The following ANGPT1 variants were observed in gnomAD, a reference collection of about 807,000 sequenced individuals.
The protein encoded by ANGPT1 is angiopoietin 1, also known as angiopoietin-1.
Under a neutral mutation model 62.2 loss-of-function variants are expected in ANGPT1, and 17 were observed. That is an observed-to-expected ratio of 0.27 (90% CI 0.19 to 0.41). ANGPT1 has a LOEUF of 0.41. Among genes scored for constraint, ANGPT1 ranks in the 10% least tolerant of loss-of-function variants. ANGPT1 has a pLI of 1.00. For missense variants in ANGPT1, 478 were observed against 594.9 expected (o/e 0.80, Z 2.04); for synonymous variants, 199 against 198.9 (o/e 1.00, Z 0.00).
intron 1 of ANGPT1, among the ~76,000 whole-genome samples, chr8:107,370,644 A>C (rs1816386440): frequency 7.1e-6 from 1 of 141,208 alleles, no homozygotes; most frequent in Non-Finnish European, 1.5e-5. Context: ...TAGAGGTTGC[A>C]GTGAGCTGAG....
At chr8:107,362,831 CCAGAAGACATACAGTTA>C (rs937292443) in intron 1 of ANGPT1, among the ~76,000 whole-genome samples, 27 of 151,888 alleles carry the variant, frequency 1.8e-4, no homozygotes, top group African/African-American at 6.3e-4. Context: ...AAGTAATTTC[CCAGAAGACATACAGTTA>C]CATGAGGCTT....
rs183145017 is a variant in ANGPT1, at chr8:107,330,556, T to C, written c.575+5594A>G. Among the ~76,000 whole-genome samples, 5 of 152,254 alleles carry C rather than the reference T, an allele frequency of 3.3e-5. No individual in the cohort carries two copies. The East Asian group carries it at 7.7e-4, about 24-fold the overall frequency. On this transcript the variant is annotated intron_variant, in intron 3 of 8. Coordinates refer to ENST00000517746, the MANE Select transcript of ANGPT1 (RefSeq NM_001146.5). Reference sequence around the variant, plus strand: ...TGTCATTTGGTTGAGAGGGAATTAATAGAGGAAAATAGTCTGACTTGCATT... The same window carrying C: ...TGTCATTTGGTTGAGAGGGAATTAACAGAGGAAAATAGTCTGACTTGCATT...
At chr8:107,478,271 G>T (rs1902324) in intron 1 of ANGPT1, among the ~76,000 whole-genome samples, 5,947 of 150,512 alleles carry the variant, frequency 0.04, 406 homozygotes, top group African/African-American at 0.14. Context: ...AAAATCTGCC[G>T]GGCGTGGTGG....
intron 1 of ANGPT1, among the ~76,000 whole-genome samples, chr8:107,361,376 T>C (rs1464182576): frequency 6.6e-6 from 1 of 150,670 alleles, no homozygotes; most frequent in Non-Finnish European, 1.5e-5. Context: ...AGCAAAGTTA[T>C]GCTTAAAGAA....
In ANGPT1 at chr8:107,303,290, T is replaced by C; in HGVS notation, c.886A>G (p.Lys296Glu). Residue 296 changes from lysine to glutamate, a missense_variant, in exon 5 of 9, where the codon AAA becomes GAA. This residue lies in a region of ANGPT1 where 343 missense variants were observed against 355.4 expected (regional missense o/e 0.97). Transcript: ENST00000517746. ...ATATAAATAGTGTAGATTCCACTTTTATTAAAACCAGCTTGATATACATCT... is the reference window on the plus strand; with the variant it reads ...ATATAAATAGTGTAGATTCCACTTTCATTAAAACCAGCTTGATATACATCT... ...CADVYQAGFN[K>E]SGIYTIYINN... 6.2e-7 allele frequency: 1 copy of C among 1,606,930 alleles called. No homozygotes were observed. The highest frequency in any genetic ancestry group is 8.5e-7 in the Non-Finnish European group (1 of 1,174,866).
intron 1 of ANGPT1, among the ~76,000 whole-genome samples, chr8:107,476,483 G>GTAA (rs1052775438): frequency 6.6e-6 from 1 of 152,088 alleles, no homozygotes; most frequent in African/African-American, 2.4e-5. Flanking sequence ...TATACCTAAT[G>GTAA]TAAATGATGA....
At chr8:107,416,649 T>G (rs1010794611) in intron 1 of ANGPT1, among the ~76,000 whole-genome samples, 1 of 152,112 alleles carries the variant, frequency 6.6e-6, no homozygotes, top group African/African-American at 2.4e-5. Flanking sequence ...TATAATCTAA[T>G]ACTAATAGAC....
At chr8:107,319,284 AT>A in intron 4 of ANGPT1, among the ~76,000 whole-genome samples, 1 of 152,148 alleles carries the variant, frequency 6.6e-6, no homozygotes, top group East Asian at 1.9e-4. Context: ...GCTCATTAAC[AT>A]TTTTTTAGTC....
chr8:107,436,299 A>C lies in ANGPT1; in HGVS notation c.297+60963T>G, dbSNP rs558640109. Among the ~76,000 whole-genome samples, 3 of 152,314 alleles carry C rather than the reference A, an allele frequency of 2.0e-5. No homozygotes were observed. The East Asian group carries it at 5.8e-4, about 29-fold the overall frequency. Reference sequence around the variant, plus strand: ...GTATTCACACTGGGCCTCAATCCTAAGACTTCATGTCAACACTATGCTAGA... The same window carrying C: ...GTATTCACACTGGGCCTCAATCCTACGACTTCATGTCAACACTATGCTAGA... On this transcript the variant is annotated intron_variant, in intron 1 of 8. Transcript: ENST00000517746.
chr8:107,486,694 C>A (rs1409295386), intron 1 of ANGPT1, among the ~76,000 whole-genome samples: 1 of 152,062 alleles, frequency 6.6e-6, no homozygotes, highest in Non-Finnish European at 1.5e-5. Flanking sequence ...AGTGAAGAAG[C>A]TTGCCCAAGG....
chr8:107,477,005 C>A (rs747603860), intron 1 of ANGPT1, among the ~76,000 whole-genome samples: 2 of 152,230 alleles, frequency 1.3e-5, no homozygotes, highest in South Asian at 2.1e-4. Flanking sequence ...CTCCATAGCA[C>A]CCCAGCTTCC....
chr8:107,378,980 T>A (rs571772125), intron 1 of ANGPT1, among the ~76,000 whole-genome samples: 2 of 151,548 alleles, frequency 1.3e-5, no homozygotes, highest in South Asian at 4.2e-4. Flanking sequence ...CAAGACTATT[T>A]TTAGTCCTAC....
chr8:107,374,201 T>A (rs1448795721), intron 1 of ANGPT1, among the ~76,000 whole-genome samples: 1 of 152,178 alleles, frequency 6.6e-6, no homozygotes, highest in Non-Finnish European at 1.5e-5. Context: ...CTTAAAAGTA[T>A]GATCAAATAT....
At chr8:107,334,369 AT>A (rs751546366) in intron 3 of ANGPT1, among the ~76,000 whole-genome samples, 4 of 152,224 alleles carry the variant, frequency 2.6e-5, no homozygotes, top group Non-Finnish European at 4.4e-5. Context: ...ATTAGAGAAT[AT>A]TTTATTAATG....
chr8:107,396,318 G>A (rs940716666), intron 1 of ANGPT1, among the ~76,000 whole-genome samples: 2 of 151,966 alleles, frequency 1.3e-5, no homozygotes, highest in African/African-American at 4.8e-5. Context: ...TTTGGCCCTT[G>A]TAGATATTGA....
At chr8:107,363,805 A>G (rs773948865) in intron 1 of ANGPT1, among the ~76,000 whole-genome samples, 3 of 152,178 alleles carry the variant, frequency 2.0e-5, no homozygotes, top group Non-Finnish European at 4.4e-5. Context: ...CTAGCTTCCT[A>G]ATACTTATTA....
At chr8:107,363,079 C>A (rs796230749) in intron 1 of ANGPT1, among the ~76,000 whole-genome samples, 5 of 139,296 alleles carry the variant, frequency 3.6e-5, no homozygotes, top group African/African-American at 1.3e-4. Context: ...CAGCAGGGAA[C>A]CTGAGTGCTT....
chr8:107,305,032 T>C (rs1027562919), intron 4 of ANGPT1, among the ~76,000 whole-genome samples: 1 of 152,038 alleles, frequency 6.6e-6, no homozygotes, highest in African/African-American at 2.4e-5. Context: ...ATGGATTATA[T>C]AAAGGTATCC....
At chr8:107,459,029 A>G (rs927381954) in intron 1 of ANGPT1, among the ~76,000 whole-genome samples, 1 of 152,044 alleles carries the variant, frequency 6.6e-6, no homozygotes, top group African/African-American at 2.4e-5. Context: ...TCGTCCCGCA[A>G]CTTTCTATTT....
Sources: allele counts gnomAD v4.1 joint callset (sites outside exome capture counted in the v4.1 genomes callset), GRCh38; gene constraint gnomAD v4.1.1; regional missense constraint gnomAD v4.1.1; transcripts MANE v1.5; gene names NCBI Gene and HGNC (gene_info 2026-07-23, HGNC 2026-07-21).